CCT3: variants seen among roughly 807,000 people sequenced by gnomAD.
CCT3 encodes the protein T-complex protein 1 subunit gamma.
In CCT3, 10 loss-of-function variants were observed where a neutral mutation model predicts 65.3. The ratio of observed to expected loss-of-function variants is 0.15; its 90% confidence interval spans 0.09 to 0.26. The LOEUF is 0.26. CCT3 is among the 10% of genes least tolerant of loss of function. The pLI, the probability that CCT3 is intolerant of heterozygous loss-of-function variation, is 1.00. For synonymous variants in CCT3, 225 were observed against 242.3 expected (o/e 0.93, Z 0.66); for missense variants, 626 against 708.7 (o/e 0.88, Z 1.33).
Position 156,309,168 on chromosome 1 carries a change from T to G in CCT3, c.*31A>C. The G allele has an allele frequency of 1.4e-6, 2 of 1,385,686 alleles. No individual in the cohort carries two copies. The highest frequency in any genetic ancestry group is 2.1e-6 in the Non-Finnish European group (2 of 971,728). The allele number at this position is 1,385,686 out of a possible 1,614,324, so 85.8% of individuals were successfully genotyped here. ...TCAGGAAAAGGGGAGACTCTGCTGG[T>G]TCTGTGCATTGAAGTAGCCTTGCCT... On this transcript the variant is annotated 3_prime_UTR_variant, in exon 14 of 14. Coordinates refer to ENST00000295688, the MANE Select transcript of CCT3 (RefSeq NM_005998.5).
At position 156,334,098 on chromosome 1, in the gene CCT3, G is replaced by A. The variant is rs115334836; in HGVS notation, c.208-455C>T. On this transcript the variant is annotated intron_variant, in intron 4 of 13. Coordinates refer to ENST00000295688, the MANE Select transcript of CCT3 (RefSeq NM_005998.5). ...ACTAAAAGTACAAAAATTAAGCCGG[G>A]TGTGGTGGCATGCGCTTGTAATTCC... Among the ~76,000 whole-genome samples the A allele has an allele frequency of 3.7e-3, 564 of 152,236 alleles. 3 individuals carry two copies. Among genetic ancestry groups the A allele is most frequent in the African/African-American group, 0.012 (518 of 41,554 alleles).
chr1:156,334,571 A>G, intron 4 of CCT3, 142 bp downstream of exon 4: 2 of 707,890 alleles, frequency 2.8e-6, no homozygotes, highest in Non-Finnish European at 4.8e-6. Context: ...AAGATAATAA[A>G]TTTCTGTTGT....
chr1:156,312,622 C>T (rs1017938885), intron 10 of CCT3, among the ~76,000 whole-genome samples: 5 of 151,846 alleles, frequency 3.3e-5, no homozygotes, highest in African/African-American at 9.7e-5. Context: ...CATGCCACTG[C>T]ACTCCAGCCT....
intron 10 of CCT3, among the ~76,000 whole-genome samples, chr1:156,315,131 A>T (rs1028596642): frequency 6.6e-6 from 1 of 152,152 alleles, no homozygotes; most frequent in Non-Finnish European, 1.5e-5. Flanking sequence ...TCCACAGCCT[A>T]TTCAACATGA....
rs761328681 is a variant in CCT3, at chr1:156,318,936, G to A, written c.691C>T (p.Arg231Cys). 6 of 1,613,806 alleles carry A rather than the reference G, an allele frequency of 3.7e-6. No homozygotes were observed. The East Asian group carries it at 6.7e-5, about 18-fold the overall frequency. The change falls in exon 8 of 14, where the codon CGC becomes TGC. Residue 231 changes from arginine (R) to cysteine (C), a missense_variant. Physicochemically the swap from Arg to Cys is radical, Grantham distance 180 (BLOSUM62 -3). Transcript: ENST00000295688. ...NKDVTHPRMRRYIKNPRIVLL... is the reference protein window; with the variant it reads ...NKDVTHPRMRCYIKNPRIVLL... The stretch of plus-strand genomic sequence containing the variant: ...ACAATGCGAGGGTTCTTGATATAGC[G>A]CCGCATACGTGGATGGGTCACATCC...
At chr1:156,309,661 C>T (rs572461235) in intron 13 of CCT3, among the ~76,000 whole-genome samples, 5 of 151,600 alleles carry the variant, frequency 3.3e-5, no homozygotes, top group East Asian at 4.0e-4. Context: ...CCTGACCTCA[C>T]GTGATCCACC....
chr1:156,313,695 C>G (rs1303176885), intron 10 of CCT3, among the ~76,000 whole-genome samples: 1 of 152,180 alleles, frequency 6.6e-6, no homozygotes, highest in African/African-American at 2.4e-5. Context: ...ATGCCCCTGG[C>G]TACCCAGAGC....
rs191408546 is a variant in CCT3 at position 156,336,959 on chromosome 1, A to T, written c.32-1071T>A. The stretch of plus-strand genomic sequence containing the variant: ...TCCTTAAAAGTTATTTCCCAGGTAC[A>T]GAGATAATGAATAATAACTCTGAAA... On this transcript the variant is annotated intron_variant, in intron 1 of 13. Transcript: ENST00000295688. 8.9e-5 allele frequency: 45 copies of T among 504,204 alleles called. No homozygotes were observed. The Middle Eastern group carries it at 4.9e-3, about 55-fold the overall frequency. The allele number at this position is 504,204 out of a possible 1,614,324, so 31.2% of individuals were successfully genotyped here. A position where few individuals can be genotyped will look rare whatever the true frequency, so the allele number is the denominator to read the frequency against.
intron 7 of CCT3, 121 bp downstream of exon 7, chr1:156,320,718 G>A: frequency 2.6e-6 from 2 of 756,944 alleles, no homozygotes; most frequent in South Asian, 1.7e-5. Context: ...AGGCAACAAG[G>A]TGAGACTCTG....
At chr1:156,329,213 G>A (rs893829889) in intron 5 of CCT3, among the ~76,000 whole-genome samples, 10 of 151,876 alleles carry the variant, frequency 6.6e-5, no homozygotes, top group African/African-American at 1.7e-4. Flanking sequence ...ATAGTAGGCC[G>A]TACCACCCAG....
At position 156,319,023 on chromosome 1, in the gene CCT3, C is replaced by A; in HGVS notation, c.610-6G>T. On this transcript the variant is annotated splice_region_variant and splice_polypyrimidine_tract_variant and intron_variant, in intron 7 of 13. Coordinates refer to ENST00000295688, the MANE Select transcript of CCT3 (RefSeq NM_005998.5). ...TCAATGATGCCTCCAGGTATCTGAACAAAAGACAACTGCACTTTAATCCAC... is the reference window on the plus strand; with the variant it reads ...TCAATGATGCCTCCAGGTATCTGAAAAAAAGACAACTGCACTTTAATCCAC... 6.3e-7 allele frequency: 1 copy of A among 1,588,544 alleles called. No individual in the cohort carries two copies. Among genetic ancestry groups the A allele is most frequent in the Non-Finnish European group, 8.6e-7 (1 of 1,168,498 alleles).
chr1:156,315,242 CTT>C (rs879402109), intron 10 of CCT3, among the ~76,000 whole-genome samples: 28 of 152,256 alleles, frequency 1.8e-4, no homozygotes, highest in Non-Finnish European at 2.8e-4. Context: ...GACTTTCACT[CTT>C]GTCGCCCAGG....
At chr1:156,313,208 A>G (rs2101631396) in intron 10 of CCT3, among the ~76,000 whole-genome samples, 2 of 152,152 alleles carry the variant, frequency 1.3e-5, no homozygotes, top group Middle Eastern at 3.4e-3. Flanking sequence ...GTGTCATGGC[A>G]CACGCCTGTA....
chr1:156,338,194 A>T lies in CCT3; in HGVS notation c.-10T>A. ...GACGATGGCCCATCATGGCGACGCG[A>T]TGCAGAGCCGGGTACCCAGAGCTGG... On this transcript the variant is annotated 5_prime_UTR_variant, in exon 1 of 14. Coordinates refer to ENST00000295688, the MANE Select transcript of CCT3 (RefSeq NM_005998.5). 1 of 1,586,778 alleles carries T rather than the reference A, an allele frequency of 6.3e-7. No homozygotes were observed. Among genetic ancestry groups the T allele is most frequent in the Non-Finnish European group, 8.6e-7 (1 of 1,168,156 alleles).
intron 6 of CCT3, 54 bp from the exon 7 acceptor site, chr1:156,321,079 GAT>G (rs1480094231): frequency 1.4e-5 from 20 of 1,424,794 alleles, no homozygotes; most frequent in Non-Finnish European, 2.0e-5. Flanking sequence ...GATATGTAGA[GAT>G]GTGCCTTATC....
intron 6 of CCT3, among the ~76,000 whole-genome samples, chr1:156,323,804 C>G (rs1197982342): frequency 6.6e-6 from 1 of 151,510 alleles, no homozygotes; most frequent in Non-Finnish European, 1.5e-5. Flanking sequence ...TGTTGTTCGC[C>G]CAGGCTGGAG....
intron 10 of CCT3, among the ~76,000 whole-genome samples, chr1:156,314,628 C>T (rs1231447975): frequency 3.9e-5 from 6 of 152,068 alleles, no homozygotes; most frequent in Non-Finnish European, 8.8e-5. Context: ...ACAGGAGAAT[C>T]GTTTGAACCC....
intron 1 of CCT3, 176 bp from the exon 2 acceptor site, chr1:156,336,064 A>C: frequency 2.0e-6 from 1 of 495,406 alleles, no homozygotes; most frequent in East Asian, 3.1e-5. Flanking sequence ...ACCATATCTC[A>C]AAAAACTGTA....
At chr1:156,325,694 C>G (rs774731553) in intron 5 of CCT3, among the ~76,000 whole-genome samples, 1 of 151,768 alleles carries the variant, frequency 6.6e-6, no homozygotes, top group African/African-American at 2.4e-5. Flanking sequence ...TTTCCCACCT[C>G]GGCCTCCCAA....
Sources: gnomAD v4.1 joint callset for allele counts (sites outside exome capture counted in the v4.1 genomes callset) on GRCh38, gnomAD v4.1.1 for gene constraint, MANE v1.5 for transcripts, NCBI Gene and HGNC (gene_info 2026-07-23, HGNC 2026-07-21) for gene names.